Variants in KANSL1L observed in about 807,000 individuals in gnomAD.
KANSL1L encodes KAT8 regulatory NSL complex subunit 1 like.
KANSL1L carries 25 observed loss-of-function variants against 108.6 expected under a neutral mutation model. The ratio of observed to expected loss-of-function variants is 0.23; its 90% CI spans 0.17 to 0.32. KANSL1L has a LOEUF of 0.32. Among genes scored for constraint, KANSL1L ranks in the 10% least tolerant of loss-of-function variants. The pLI, the probability that KANSL1L is intolerant of heterozygous loss-of-function variation, is 1.00. For synonymous variants in KANSL1L, 405 were observed against 395.1 expected, an observed-to-expected ratio of 1.03 and a Z score of -0.30; for missense variants, 1,137 against 1,125.7, an observed-to-expected ratio of 1.01 and a Z score of -0.14.
intron 5 of KANSL1L, among the ~76,000 whole-genome samples, chr2:210,089,761 T>C (rs898203316): frequency 2.0e-5 from 3 of 152,164 alleles, no homozygotes; most frequent in South Asian, 2.1e-4. Flanking sequence ...GATTTTTGTA[T>C]GAGAATAAAA....
chr2:210,034,235 G>A (rs2094068406), intron 8 of KANSL1L, among the ~76,000 whole-genome samples: 1 of 152,152 alleles, frequency 6.6e-6, no homozygotes, highest in Non-Finnish European at 1.5e-5. Context: ...TAATGTGATA[G>A]GAAAATATTC....
intron 2 of KANSL1L, among the ~76,000 whole-genome samples, chr2:210,145,722 T>C (rs574034033): frequency 6.6e-6 from 1 of 152,272 alleles, no homozygotes; most frequent in South Asian, 2.1e-4. Context: ...GAGGCACAGA[T>C]GTTGAAAGAG....
intron 2 of KANSL1L, among the ~76,000 whole-genome samples, chr2:210,132,762 G>A (rs1368538369): frequency 6.6e-6 from 1 of 152,110 alleles, no homozygotes; most frequent in African/African-American, 2.4e-5. Flanking sequence ...AGTCAAAGAA[G>A]ATATGGATCT....
chr2:210,134,326 C>T (rs956489598), intron 2 of KANSL1L, among the ~76,000 whole-genome samples: 9 of 152,052 alleles, frequency 5.9e-5, no homozygotes, highest in Non-Finnish European at 1.0e-4. Flanking sequence ...AGCTCTTTGC[C>T]AACTACTTTC....
chr2:210,088,626 A>G (rs946829042), intron 5 of KANSL1L: 1 of 152,686 alleles, frequency 6.5e-6, no homozygotes. Flanking sequence ...GAAAACTGCA[A>G]GCCAGCTCCC....
At position 210,104,174 on chromosome 2, in the gene KANSL1L, G is replaced by A; in HGVS notation, c.1358C>T (p.Pro453Leu). Reference sequence around the variant, plus strand: ...CATTTCAAAATCTTGTTCCGGTACAGGATCTTGACACTCCTGGGGAACCTG... The same window carrying A: ...CATTTCAAAATCTTGTTCCGGTACAAGATCTTGACACTCCTGGGGAACCTG... ...NPQVPQECQD[P>L]VPEQDFEMSP... is the part of the protein sequence containing the mutation. The change falls in exon 4 of 15, where the codon CCT becomes CTT. Residue 453 changes from proline to leucine, a missense_variant. Pro to Leu is a moderately conservative substitution (Grantham distance 98). Around this residue, in one of 3 missense-constraint regions of KANSL1L, gnomAD observed 556 missense variants for 537.7 expected, o/e 1.03. Transcript: ENST00000281772. The A allele has an allele frequency of 6.2e-7, 1 of 1,613,892 alleles. No individual in the cohort carries two copies. The highest frequency in any genetic ancestry group is 8.5e-7 in the Non-Finnish European group (1 of 1,179,814).
chr2:210,149,537 C>T (rs907938540), intron 2 of KANSL1L, among the ~76,000 whole-genome samples: 1 of 151,786 alleles, frequency 6.6e-6, no homozygotes, highest in African/African-American at 2.4e-5. Flanking sequence ...TAAAAATACT[C>T]ATCTAGATTT....
chr2:210,099,145 C>T (rs1355170454), intron 4 of KANSL1L, among the ~76,000 whole-genome samples: 1 of 152,058 alleles, frequency 6.6e-6, no homozygotes, highest in Non-Finnish European at 1.5e-5. Flanking sequence ...ACTGAGTTTT[C>T]TGAGTATATG....
At chr2:210,023,980 C>A in intron 14 of KANSL1L, 53 bp downstream of exon 14, 1 of 1,231,102 alleles carries the variant, frequency 8.1e-7, no homozygotes, top group Non-Finnish European at 1.1e-6. Flanking sequence ...TTTCTACAAA[C>A]AAGTAGTTAA....
intron 6 of KANSL1L, among the ~76,000 whole-genome samples, chr2:210,067,037 C>A (rs1488995755): frequency 6.6e-6 from 1 of 152,186 alleles, no homozygotes; most frequent in East Asian, 1.9e-4. Flanking sequence ...AGAGGAAGGG[C>A]AAATTCCCTT....
chr2:210,057,542 A>G (rs2094365574), intron 6 of KANSL1L, among the ~76,000 whole-genome samples: 1 of 152,190 alleles, frequency 6.6e-6, no homozygotes, highest in South Asian at 2.1e-4. Flanking sequence ...TCTACTAAAA[A>G]TACAAAAAAT....
chr2:210,073,312 T>C (rs986236206), intron 6 of KANSL1L, among the ~76,000 whole-genome samples: 2 of 152,162 alleles, frequency 1.3e-5, no homozygotes, highest in African/African-American at 2.4e-5. Context: ...TGATTACTTA[T>C]CAGGATAAGT....
intron 3 of KANSL1L, among the ~76,000 whole-genome samples, chr2:210,109,693 G>C (rs1377052029): frequency 6.6e-6 from 1 of 151,840 alleles, no homozygotes; most frequent in Non-Finnish European, 1.5e-5. Context: ...GGCTTAATTA[G>C]GCCCTAATTT....
intron 1 of KANSL1L, among the ~76,000 whole-genome samples, chr2:210,159,633 A>T (rs553261887): frequency 6.6e-6 from 1 of 152,318 alleles, no homozygotes; most frequent in Non-Finnish European, 1.5e-5. Context: ...GGATTTTGGT[A>T]CTCACAAGTA....
At chr2:210,102,844 T>C (rs926924034) in intron 4 of KANSL1L, among the ~76,000 whole-genome samples, 1 of 152,078 alleles carries the variant, frequency 6.6e-6, no homozygotes, top group Non-Finnish European at 1.5e-5. Flanking sequence ...TGTGGAGAAA[T>C]AGGAACACTT....
chr2:210,056,137 C>G (rs1018961259), intron 6 of KANSL1L, among the ~76,000 whole-genome samples: 2 of 152,232 alleles, frequency 1.3e-5, no homozygotes, highest in East Asian at 3.9e-4. Context: ...CAAGGTACAG[C>G]TCAGGCCATT....
rs775691203 is a variant in KANSL1L at position 210,044,031 on chromosome 2, C to T, written c.1829G>A (p.Ser610Asn). ...AGACTCCGAATTGTGTTCATAGCTA[C>T]TCCAAGTTGAAGCTGATTGCAGGCA... ...MPCLQSASTW[S>N]SYEHNSESYL... The change falls in exon 7 of 15, where the codon AGT becomes AAT. Residue 610 changes from serine (S) to asparagine (N), a missense_variant. By Grantham distance (46) the Ser-to-Asn change is conservative. Transcript: ENST00000281772. The surrounding 1 kb of genome is among the most constrained non-coding windows in gnomAD (Gnocchi z 4.2). 10 of 1,609,460 alleles carry T rather than the reference C, an allele frequency of 6.2e-6. No homozygotes were observed. Among genetic ancestry groups the T allele is most frequent in the Non-Finnish European group, 8.5e-7 (1 of 1,177,474 alleles).
At chr2:210,050,306 A>G (rs2094275911) in intron 6 of KANSL1L, among the ~76,000 whole-genome samples, 1 of 152,170 alleles carries the variant, frequency 6.6e-6, no homozygotes, top group Non-Finnish European at 1.5e-5. Flanking sequence ...GTCAATTTAA[A>G]CCTAACCCTA....
chr2:210,097,133 C>T (rs933861625), intron 5 of KANSL1L: 48 of 380,744 alleles, frequency 1.3e-4, no homozygotes, highest in Middle Eastern at 1.3e-3. Flanking sequence ...TTAGTAGAGA[C>T]GGGGTTTCTC....
Sources: gnomAD v4.1 joint callset for allele counts (sites outside exome capture counted in the v4.1 genomes callset) on GRCh38, gnomAD v4.1.1 for gene constraint, gnomAD v4.1.1 regional missense constraint, Gnocchi (gnomAD v3.1) non-coding constraint, MANE v1.5 for transcripts, NCBI Gene and HGNC (gene_info 2026-07-23, HGNC 2026-07-21) for gene names.